MAN1A2: variants seen among roughly 807,000 people sequenced by gnomAD.
The protein encoded by MAN1A2 is mannosidase alpha class 1A member 2, also known as mannosyl-oligosaccharide 1,2-alpha-mannosidase IB.
Under a neutral mutation model 75.7 loss-of-function variants are expected in MAN1A2, and 26 were observed. The observed-to-expected ratio is 0.34, with a 90% CI of 0.25 to 0.48. The LOEUF (loss-of-function observed/expected upper bound fraction) is 0.48, where lower values mean the gene tolerates loss of function less well. MAN1A2 is among the 20% of genes least tolerant of loss of function. The probability of loss-of-function intolerance (pLI) is 0.99; values close to 1 mark genes in which losing one functional copy is unlikely to be tolerated. For missense variants in MAN1A2, 562 were observed against 775.5 expected (o/e 0.72, Z 3.27); for synonymous variants, 247 against 264.6 (o/e 0.93, Z 0.65).
intron 12 of MAN1A2, among the ~76,000 whole-genome samples, chr1:117,519,842 G>T (rs115447461): frequency 0.076 from 11,580 of 151,796 alleles, 495 homozygotes; most frequent in Middle Eastern, 0.15. Flanking sequence ...AGCCAGCATC[G>T]CCCTAATACC....
chr1:117,505,467 A>G (rs1341061902), intron 12 of MAN1A2, among the ~76,000 whole-genome samples: 1 of 151,196 alleles, frequency 6.6e-6, no homozygotes, highest in East Asian at 1.9e-4. Flanking sequence ...CCAGTTATTT[A>G]TGTATATCTA....
At chr1:117,433,499 C>T (rs999487260) in intron 5 of MAN1A2, among the ~76,000 whole-genome samples, 1 of 151,992 alleles carries the variant, frequency 6.6e-6, no homozygotes, top group Admixed American at 6.6e-5. Flanking sequence ...GAAGGTGTTC[C>T]ATTTTCACTA....
intron 10 of MAN1A2, 46 bp from the exon 11 acceptor site, chr1:117,499,336 C>T: frequency 7.3e-7 from 1 of 1,363,762 alleles, no homozygotes. Context: ...TGCAAACAAA[C>T]ATAAATGGTT....
chr1:117,515,549 AAAG>A (rs1651684630), intron 12 of MAN1A2: 1 of 152,172 alleles, frequency 6.6e-6, no homozygotes, highest in African/African-American at 2.4e-5. Context: ...AGCTTTGTGA[AAAG>A]AAGGATTCAG....
intron 1 of MAN1A2, among the ~76,000 whole-genome samples, chr1:117,393,942 TAGGG>T (rs1160145615): frequency 6.6e-6 from 1 of 152,134 alleles, no homozygotes; most frequent in African/African-American, 2.4e-5. Flanking sequence ...ACCCAATAGA[TAGGG>T]AGGGAAGGAA....
chr1:117,402,042 T>A lies in MAN1A2; in HGVS notation c.303-144T>A, dbSNP rs1050891770. On this transcript the variant is annotated intron_variant, in intron 1 of 12. Coordinates refer to ENST00000356554, the MANE Select transcript of MAN1A2 (RefSeq NM_006699.5). The stretch of plus-strand genomic sequence containing the variant: ...CTTTCTCATTCCAGATCTGAATGTG[T>A]CTCACTGATAATTCTTTCCTTTTAA... The A allele has an allele frequency of 1.3e-5, 9 of 713,052 alleles. No individual in the cohort carries two copies. The African/African-American group carries it at 1.6e-4, about 13-fold the overall frequency. 44.2% of individuals were successfully genotyped at this position (713,052 alleles called of 1,614,324 possible).
chr1:117,457,228 C>A (rs979417574), intron 6 of MAN1A2, among the ~76,000 whole-genome samples: 1 of 151,976 alleles, frequency 6.6e-6, no homozygotes, highest in African/African-American at 2.4e-5. Context: ...TGCTGGTGGT[C>A]AGGTAAGAGA....
chr1:117,484,000 A>G (rs898772910), intron 8 of MAN1A2, among the ~76,000 whole-genome samples: 2 of 151,760 alleles, frequency 1.3e-5, no homozygotes, highest in African/African-American at 2.4e-5. Context: ...TAATCATTGT[A>G]TAACCACAGT....
chr1:117,444,115 T>G (rs938026891), intron 6 of MAN1A2, among the ~76,000 whole-genome samples: 5 of 152,176 alleles, frequency 3.3e-5, no homozygotes, highest in Non-Finnish European at 5.9e-5. Context: ...GCTTTTCTGC[T>G]TCTTATCTTT....
intron 5 of MAN1A2, among the ~76,000 whole-genome samples, chr1:117,441,837 G>C (rs1428381814): frequency 1.3e-5 from 2 of 152,106 alleles, no homozygotes; most frequent in Non-Finnish European, 2.9e-5. Flanking sequence ...AACATATTCA[G>C]AGTAATTTAA....
intron 1 of MAN1A2, among the ~76,000 whole-genome samples, chr1:117,385,665 T>TA (rs1442338734): frequency 6.6e-6 from 1 of 150,868 alleles, no homozygotes; most frequent in Non-Finnish European, 1.5e-5. Flanking sequence ...CCATTTGTAT[T>TA]ACAAATAATT....
chr1:117,514,908 C>A (rs368993439), intron 12 of MAN1A2: 128 of 532,734 alleles, frequency 2.4e-4, no homozygotes, highest in African/African-American at 2.1e-3. Context: ...AGCATCAAGT[C>A]CCCTATTCTG....
At position 117,527,498 on chromosome 1, in the gene MAN1A2, C is replaced by G. The variant is rs1298484548; in HGVS notation, c.*4541C>G. 6.6e-6 allele frequency: 1 copy of G among 151,878 alleles called. No homozygotes were observed. Among genetic ancestry groups the G allele is most frequent in the African/African-American group, 2.4e-5 (1 of 41,370 alleles). The allele number at this position is 151,878 out of a possible 1,614,324, so 9.4% of individuals were successfully genotyped here. A position where few individuals can be genotyped will look rare whatever the true frequency, so the allele number is the denominator to read the frequency against. Reference sequence around the variant, plus strand: ...ATATGGTTGTGTGTATCTGTATAACCTAAAGCTATAATATTTTGTTGTCTT... The same window carrying G: ...ATATGGTTGTGTGTATCTGTATAACGTAAAGCTATAATATTTTGTTGTCTT... On this transcript the variant is annotated 3_prime_UTR_variant, in exon 13 of 13. Transcript: ENST00000356554.
intron 4 of MAN1A2, among the ~76,000 whole-genome samples, chr1:117,418,621 A>G (rs954316459): frequency 2.0e-5 from 3 of 152,042 alleles, no homozygotes; most frequent in Non-Finnish European, 4.4e-5. Context: ...TTCTATTACT[A>G]TATGTCTATG....
In MAN1A2 at chr1:117,525,209, A is replaced by AAC; in HGVS notation, c.*2254_*2255dup. 4.1e-6 allele frequency: 2 copies of AAC among 487,850 alleles called. No individual in the cohort carries two copies. The highest frequency in any genetic ancestry group is 3.1e-5 in the South Asian group (2 of 65,274). 30.2% of individuals were successfully genotyped at this position (487,850 alleles called of 1,614,324 possible). A position where few individuals can be genotyped will look rare whatever the true frequency, so the allele number is the denominator to read the frequency against. ...TACAAGCAGAGCCAGTTCTGGTACA[A>AAC]ACAAAGAATTTGACAGGGACAATGG... On this transcript the variant is annotated 3_prime_UTR_variant, in exon 13 of 13. Transcript: ENST00000356554.
At chr1:117,419,919 G>C (rs1284787377) in intron 4 of MAN1A2, among the ~76,000 whole-genome samples, 1 of 151,822 alleles carries the variant, frequency 6.6e-6, no homozygotes, top group African/African-American at 2.4e-5. Flanking sequence ...TTAAGTACCT[G>C]CTTTCTCAGG....
At chr1:117,437,292 G>T (rs542263960) in intron 5 of MAN1A2, among the ~76,000 whole-genome samples, 1 of 152,256 alleles carries the variant, frequency 6.6e-6, no homozygotes, top group South Asian at 2.1e-4. Context: ...CTACCAAAGA[G>T]AAAGGGCTGA....
At chr1:117,481,657 G>C (rs546300155) in intron 8 of MAN1A2, among the ~76,000 whole-genome samples, 1 of 152,070 alleles carries the variant, frequency 6.6e-6, no homozygotes, top group African/African-American at 2.4e-5. Context: ...TGGCCCCACT[G>C]GGGAGGACTC....
intron 1 of MAN1A2, among the ~76,000 whole-genome samples, chr1:117,391,301 G>A (rs1653710616): frequency 6.6e-6 from 1 of 152,100 alleles, no homozygotes; most frequent in South Asian, 2.1e-4. Context: ...TGTCAATTAG[G>A]TCAAGTTGGT....
Sources: allele counts gnomAD v4.1 joint callset (sites outside exome capture counted in the v4.1 genomes callset), GRCh38; gene constraint gnomAD v4.1.1; transcripts MANE v1.5; gene names NCBI Gene and HGNC (gene_info 2026-07-23, HGNC 2026-07-21).